DNAH11: variants seen among roughly 807,000 people sequenced by gnomAD.
DNAH11 encodes dynein axonemal heavy chain 11.
Under a neutral mutation model 526.0 loss-of-function variants are expected in DNAH11, and 442 were observed. The observed-to-expected ratio is 0.84, with a 90% CI of 0.78 to 0.91. The LOEUF is 0.91. Ranked by LOEUF, DNAH11 falls within the 40% of genes least tolerant of loss-of-function variation. The pLI is 0.00. For synonymous variants in DNAH11, 2,461 were observed against 1,935.9 expected (o/e 1.27, Z -7.12); for missense variants, 6,989 against 5,448.7 (o/e 1.28, Z -8.90).
At chr7:21,665,081 ATCTC>A (rs149209790) in intron 30 of DNAH11, among the ~76,000 whole-genome samples, 4 of 145,660 alleles carry the variant, frequency 2.7e-5, no homozygotes, top group East Asian at 2.0e-4. Context: ...CTCTTTCTTT[ATCTC>A]TCTCTCTCTC....
intron 54 of DNAH11, among the ~76,000 whole-genome samples, chr7:21,757,941 T>G (rs993057101): frequency 6.6e-6 from 1 of 152,174 alleles, no homozygotes; most frequent in African/African-American, 2.4e-5. Flanking sequence ...CCTTGCAAGA[T>G]TGTAAAGTCG....
chr7:21,767,457 G>T (rs1020515572), intron 55 of DNAH11, among the ~76,000 whole-genome samples: 24 of 152,160 alleles, frequency 1.6e-4, no homozygotes, highest in African/African-American at 5.8e-4. Context: ...GTTGACCGTT[G>T]ACATCTGCTG....
intron 57 of DNAH11, among the ~76,000 whole-genome samples, chr7:21,780,935 A>G (rs2127983641): frequency 6.6e-6 from 1 of 152,342 alleles, no homozygotes; most frequent in African/African-American, 2.4e-5. Flanking sequence ...GAAGCTGGAT[A>G]TTTTGAGATA....
Position 21,714,777 on chromosome 7 carries a change from G to A in DNAH11, c.6983+2917G>A, listed in dbSNP as rs531119164. Among the ~76,000 whole-genome samples, 11 of 151,516 alleles carry A rather than the reference G, an allele frequency of 7.3e-5. No individual in the cohort carries two copies. In the South Asian group the frequency reaches 2.1e-3, roughly 29 times the overall value. ...TACTTTCTCTCTCTCTCTTTCTCTG[G>A]CATAGAGGCACATTTTCTACTTTTA... On this transcript the variant is annotated intron_variant, in intron 42 of 81. Coordinates refer to ENST00000409508, the MANE Select transcript of DNAH11 (RefSeq NM_001277115.2).
chr7:21,856,749 T>A (rs1782865356), intron 68 of DNAH11, among the ~76,000 whole-genome samples: 1 of 150,260 alleles, frequency 6.7e-6, no homozygotes, highest in South Asian at 2.1e-4. Flanking sequence ...TCATTTCAGT[T>A]GATGCAAAGA....
intron 45 of DNAH11, among the ~76,000 whole-genome samples, chr7:21,726,930 C>CTTTTTTTTTTT (rs1562512161): frequency 1.3e-3 from 36 of 27,126 alleles, no homozygotes; most frequent in Non-Finnish European, 1.4e-3. Context: ...TCTGCATCCT[C>CTTTTTTTTTTT]TTTTCTTTTT....
Position 21,590,939 on chromosome 7 carries a change from G to A in DNAH11, c.2191G>A (p.Val731Met). The change falls in exon 13 of 82, where the codon GTG (valine) becomes ATG (methionine). Residue 731 changes from valine to methionine, a missense_variant. Val to Met is a conservative substitution (Grantham distance 21). Transcript: ENST00000409508. ...ATAGCTAGTGGCTGTATTGAGAGAA[G>A]TGAAATATCTTTTGATGTTGAAGAA... ...DPKLVAVLRE[V>M]KYLLMLKKQD... The A allele has an allele frequency of 2.7e-6, 4 of 1,489,358 alleles. No homozygotes were observed. The highest frequency in any genetic ancestry group is 3.5e-6 in the Non-Finnish European group (4 of 1,128,628). The allele number at this position is 1,489,358 out of a possible 1,614,324, so 92.3% of individuals were successfully genotyped here. A position where few individuals can be genotyped will look rare whatever the true frequency, so the allele number is the denominator to read the frequency against.
At chr7:21,707,964 G>C in intron 40 of DNAH11, 129 bp downstream of exon 40, 1 of 877,860 alleles carries the variant, frequency 1.1e-6, no homozygotes. Flanking sequence ...AAATATAGCA[G>C]ATCACAACAG....
At chr7:21,718,294 G>A (rs570583146) in intron 43 of DNAH11, among the ~76,000 whole-genome samples, 2 of 152,094 alleles carry the variant, frequency 1.3e-5, no homozygotes, top group Non-Finnish European at 2.9e-5. Context: ...AGAATTAGAA[G>A]AACAAAGTTG....
chr7:21,689,293 T>C (rs766563028), intron 34 of DNAH11, among the ~76,000 whole-genome samples: 6 of 152,266 alleles, frequency 3.9e-5, no homozygotes, highest in Non-Finnish European at 8.8e-5. Context: ...TTTATGTAAC[T>C]GATCCATGTA....
At chr7:21,566,123 C>T (rs530520718) in intron 6 of DNAH11, among the ~76,000 whole-genome samples, 3 of 152,132 alleles carry the variant, frequency 2.0e-5, no homozygotes, top group Admixed American at 6.5e-5. Context: ...CACTGCAAAT[C>T]CTTGTTAACG....
intron 8 of DNAH11, among the ~76,000 whole-genome samples, chr7:21,577,355 T>G (rs1262589347): frequency 6.6e-6 from 1 of 152,144 alleles, no homozygotes; most frequent in African/African-American, 2.4e-5. Context: ...CTGAAAATGC[T>G]CCAACTCCCA....
At chr7:21,832,370 A>C (rs540327033) in intron 65 of DNAH11, among the ~76,000 whole-genome samples, 2 of 152,286 alleles carry the variant, frequency 1.3e-5, no homozygotes, top group South Asian at 2.1e-4. Flanking sequence ...GGTGGTGACA[A>C]AATCTCTCAG....
chr7:21,846,690 A>G (rs1782434864), intron 66 of DNAH11, among the ~76,000 whole-genome samples: 3 of 151,966 alleles, frequency 2.0e-5, no homozygotes, highest in South Asian at 4.1e-4. Flanking sequence ...TAATGGGTTT[A>G]TCTGGTTTTG....
rs1562720517 is a variant in DNAH11 at position 21,639,049 on chromosome 7, G to A, written c.4928G>A (p.Gly1643Glu). The A allele has an allele frequency of 6.2e-7, 1 of 1,613,222 alleles. No individual in the cohort carries two copies. The change falls in exon 28 of 82, where the codon GGA (glycine) becomes GAA (glutamate). Residue 1643 changes from glycine (G) to glutamate (E), a missense_variant. Transcript: ENST00000409508. The part of the protein sequence containing the change: ...SADLLDILSK[G>E]AQPKQVTCHL... Reference sequence around the variant, plus strand: ...GATTTACTTGACATTCTCTCAAAAGGAGCTCAGCCTAAACAGGTAATATTT... The same window carrying A: ...GATTTACTTGACATTCTCTCAAAAGAAGCTCAGCCTAAACAGGTAATATTT...
intron 28 of DNAH11, among the ~76,000 whole-genome samples, chr7:21,641,254 T>G (rs1365412927): frequency 6.6e-6 from 1 of 152,198 alleles, no homozygotes; most frequent in East Asian, 1.9e-4. Context: ...AGAGTGGAGG[T>G]TGGGGGACCC....
intron 76 of DNAH11, among the ~76,000 whole-genome samples, chr7:21,888,081 G>T (rs2128045510): frequency 6.6e-6 from 1 of 152,246 alleles, no homozygotes; most frequent in South Asian, 2.1e-4. Flanking sequence ...CTACTGACTT[G>T]CTGTCTGGCT....
intron 44 of DNAH11, 21 bp downstream of exon 44, chr7:21,720,877 C>T (rs369837673): frequency 1.9e-6 from 3 of 1,606,900 alleles, no homozygotes; most frequent in Non-Finnish European, 2.6e-6. Context: ...AAATAGTTTA[C>T]AGGACCAGTT....
At chr7:21,615,874 G>C (rs185111541) in intron 21 of DNAH11, among the ~76,000 whole-genome samples, 4 of 152,194 alleles carry the variant, frequency 2.6e-5, no homozygotes, top group African/African-American at 9.6e-5. Context: ...AGCTTATTTA[G>C]TTACATGTAG....
Sources: gnomAD v4.1 joint callset for allele counts (sites outside exome capture counted in the v4.1 genomes callset) on GRCh38, gnomAD v4.1.1 for gene constraint, MANE v1.5 for transcripts, NCBI Gene and HGNC (gene_info 2026-07-23, HGNC 2026-07-21) for gene names.